Variants in MTERF3 observed in about 807,000 individuals in gnomAD.
MTERF3 encodes the protein transcription termination factor 3, mitochondrial.
MTERF3 carries 40 observed loss-of-function variants against 40.5 expected under a neutral mutation model. The ratio of observed to expected loss-of-function variants is 0.99; its 90% CI spans 0.77 to 1.29. The LOEUF (loss-of-function observed/expected upper bound fraction) is 1.29. Ranked by LOEUF, MTERF3 falls within the 50% of genes most tolerant of loss-of-function variation. The pLI is 0.00. For missense variants in MTERF3, 452 were observed against 478.2 expected (o/e 0.95, Z 0.51); for synonymous variants, 158 against 166.6 (o/e 0.95, Z 0.40).
At chr8:96,253,117 C>T (rs1026273878) in intron 3 of MTERF3, among the ~76,000 whole-genome samples, 10 of 152,138 alleles carry the variant, frequency 6.6e-5, no homozygotes, top group African/African-American at 2.4e-4. Flanking sequence ...TATGGTTACA[C>T]GTATTTAGTA....
At chr8:96,248,594 G>A (rs1373266982) in intron 4 of MTERF3, among the ~76,000 whole-genome samples, 1 of 152,172 alleles carries the variant, frequency 6.6e-6, no homozygotes, top group African/African-American at 2.4e-5. Context: ...GGACAAAGTA[G>A]GAGAAAAGGA....
chr8:96,261,271 G>T (rs541150889), intron 1 of MTERF3, among the ~76,000 whole-genome samples: 1 of 152,320 alleles, frequency 6.6e-6, no homozygotes, highest in East Asian at 1.9e-4. Flanking sequence ...ACTTGCGCAG[G>T]AAGGCAGAGC....
At chr8:96,256,932 A>T (rs1586173098) in intron 3 of MTERF3, 30 bp downstream of exon 3, 2 of 1,577,388 alleles carry the variant, frequency 1.3e-6, no homozygotes, top group East Asian at 4.5e-5. Context: ...GAGTACATGC[A>T]AAAAGTACTT....
rs1352404088 is a variant in MTERF3, at chr8:96,246,311, T to A, written c.821A>T (p.Lys274Met). The A allele has an allele frequency of 6.3e-7, 1 of 1,596,806 alleles. No individual in the cohort carries two copies. The highest frequency in any genetic ancestry group is 8.5e-7 in the Non-Finnish European group (1 of 1,176,196). The change falls in exon 5 of 8, where the codon AAG becomes ATG. Residue 274 changes from lysine to methionine, a missense_variant. By Grantham distance (95) the Lys-to-Met change is moderately conservative. Coordinates refer to ENST00000287025, the MANE Select transcript of MTERF3 (RefSeq NM_015942.5). Reference protein sequence around the residue: ...FFQKELELSVKKTRDLVVRLP... With the variant: ...FFQKELELSVMKTRDLVVRLP... Reference sequence around the variant, plus strand: ...AAATTCTCTCCTTTTCTTTACCTTCTTCACACTAAGTTCAAGTTCTTTCTG... The same window carrying A: ...AAATTCTCTCCTTTTCTTTACCTTCATCACACTAAGTTCAAGTTCTTTCTG...
Position 96,259,909 on chromosome 8 carries a change from TA to T in MTERF3, c.-10-1210del, listed in dbSNP as rs754384421. Among the ~76,000 whole-genome samples, 767 of 151,438 alleles carry T rather than the reference TA, an allele frequency of 5.1e-3. 6 individuals carry two copies. Among genetic ancestry groups the T allele is most frequent in the Admixed American group, 9.4e-3 (143 of 15,230 alleles). On this transcript the variant is annotated intron_variant, in intron 1 of 7. Coordinates refer to ENST00000287025, the MANE Select transcript of MTERF3 (RefSeq NM_015942.5). ...TGCAATTATTTATTATTATTATTAT[TA>T]TTATTTTTTTTGAGACGGAGTTTCG...
intron 1 of MTERF3, among the ~76,000 whole-genome samples, chr8:96,259,045 T>C (rs946063391): frequency 4.6e-5 from 7 of 152,242 alleles, no homozygotes; most frequent in African/African-American, 1.7e-4. Flanking sequence ...AATCTGTTAA[T>C]TTAATCATTT....
intron 3 of MTERF3, among the ~76,000 whole-genome samples, chr8:96,255,668 AC>A (rs1810266548): frequency 6.6e-6 from 1 of 151,034 alleles, no homozygotes; most frequent in Non-Finnish European, 1.5e-5. Flanking sequence ...ATCAAGGATG[AC>A]CCCCAAAGTT....
At position 96,250,958 on chromosome 8, in the gene MTERF3, G is replaced by C. The variant is rs763684089; in HGVS notation, c.625C>G (p.Leu209Val). The C allele has an allele frequency of 6.2e-7, 1 of 1,608,052 alleles. No individual in the cohort carries two copies. Among genetic ancestry groups the C allele is most frequent in the South Asian group, 1.1e-5 (1 of 89,374 alleles). Residue 209 changes from leucine (L) to valine (V), a missense_variant, in exon 4 of 8, where the codon CTG (leucine) becomes GTG (valine). Coordinates refer to ENST00000287025, the MANE Select transcript of MTERF3 (RefSeq NM_015942.5). ...GIEDNQLGAFLTKNHAIFSED... is the reference protein window; with the variant it reads ...GIEDNQLGAFVTKNHAIFSED... The stretch of plus-strand genomic sequence containing the variant: ...GAGAAAATTGCATGATTTTTTGTCA[G>C]GAATGCTCCCAGTTGGTTATCCTCT...
At chr8:96,243,545 T>A (rs1407652327) in intron 7 of MTERF3, among the ~76,000 whole-genome samples, 1 of 152,216 alleles carries the variant, frequency 6.6e-6, no homozygotes, top group Non-Finnish European at 1.5e-5. Context: ...GCAAACTGGA[T>A]CACTTTTATA....
intron 1 of MTERF3, 76 bp downstream of exon 1, chr8:96,261,425 G>A (rs1200737032): frequency 3.9e-5 from 6 of 152,400 alleles, no homozygotes; most frequent in African/African-American, 1.4e-4. Flanking sequence ...CTGGGGCGCG[G>A]TCTGGACGCG....
chr8:96,239,414 C>T lies in MTERF3; in HGVS notation c.*77G>A, dbSNP rs573731206. On this transcript the variant is annotated 3_prime_UTR_variant, in exon 8 of 8. Coordinates refer to ENST00000287025, the MANE Select transcript of MTERF3 (RefSeq NM_015942.5). ...ATGGTTTCCAATATCAGTTGAGACC[C>T]GAGGCATTTAAAAATATATTCATTT... 2.1e-4 allele frequency: 243 copies of T among 1,159,110 alleles called. No individual in the cohort carries two copies. The highest frequency in any genetic ancestry group is 1.2e-3 in the Middle Eastern group (4 of 3,478). The allele number at this position is 1,159,110 out of a possible 1,614,324, so 71.8% of individuals were successfully genotyped here. A position where few individuals can be genotyped will look rare whatever the true frequency, so the allele number is the denominator to read the frequency against.
In MTERF3 at chr8:96,245,871, C is replaced by T. The variant is rs910518208; in HGVS notation, c.886G>A (p.Glu296Lys). 1 of 1,613,736 alleles carries T rather than the reference C, an allele frequency of 6.2e-7. No homozygotes were observed. Among genetic ancestry groups the T allele is most frequent in the Non-Finnish European group, 8.5e-7 (1 of 1,179,806 alleles). The change falls in exon 6 of 8, where the codon GAA becomes AAA. Residue 296 changes from glutamate (E) to lysine (K), a missense_variant. Transcript: ENST00000287025. ...TAAAGTTGTCCTACCTTCATATTTT[C>T]TTTCACGGGTTCCAGACTTCCAGTT... ...LLTGSLEPVK[E>K]NMKVYRLELG...
chr8:96,242,025 C>T (rs2129869288), intron 7 of MTERF3, among the ~76,000 whole-genome samples: 1 of 152,240 alleles, frequency 6.6e-6, no homozygotes, highest in Non-Finnish European at 1.5e-5. Context: ...ACTTCTTTCC[C>T]CATTTTTAAT....
chr8:96,250,860 CA>C (rs760902729), intron 4 of MTERF3, 45 bp downstream of exon 4: 5 of 1,517,670 alleles, frequency 3.3e-6, no homozygotes, highest in Non-Finnish European at 3.6e-6. Flanking sequence ...ATATTTCCTT[CA>C]TAACCACTTC....
At chr8:96,244,896 C>T (rs1307621988) in intron 6 of MTERF3, among the ~76,000 whole-genome samples, 2 of 152,168 alleles carry the variant, frequency 1.3e-5, no homozygotes, top group African/African-American at 4.8e-5. Flanking sequence ...CATGGGAGCG[C>T]TGCAGGTCAG....
chr8:96,251,449 G>A (rs372160561), intron 3 of MTERF3, among the ~76,000 whole-genome samples: 14 of 152,260 alleles, frequency 9.2e-5, no homozygotes, highest in African/African-American at 2.9e-4. Context: ...TGGTAATTCT[G>A]CAGGGTAACA....
chr8:96,245,808 G>T, intron 6 of MTERF3, 52 bp downstream of exon 6: 1 of 1,507,396 alleles, frequency 6.6e-7, no homozygotes, highest in South Asian at 1.2e-5. Flanking sequence ...CTCTTCAGAG[G>T]ATTTTAACAC....
At chr8:96,248,085 G>T (rs1810055483) in intron 4 of MTERF3, among the ~76,000 whole-genome samples, 1 of 152,194 alleles carries the variant, frequency 6.6e-6, no homozygotes, top group Admixed American at 6.5e-5. Flanking sequence ...TATCTGTAAG[G>T]ATAACAGGGA....
At chr8:96,254,690 T>G (rs1810249733) in intron 3 of MTERF3, among the ~76,000 whole-genome samples, 1 of 152,204 alleles carries the variant, frequency 6.6e-6, no homozygotes, top group South Asian at 2.1e-4. Context: ...TTTATTTGCC[T>G]CTCATGTGGG....
Sources: gnomAD v4.1 joint callset for allele counts (sites outside exome capture counted in the v4.1 genomes callset) on GRCh38, gnomAD v4.1.1 for gene constraint, MANE v1.5 for transcripts, NCBI Gene and HGNC (gene_info 2026-07-23, HGNC 2026-07-21) for gene names.